PXDNL: variants seen among roughly 807,000 people sequenced by gnomAD.
PXDNL encodes the protein peroxidasin like, also known as probable oxidoreductase PXDNL.
In PXDNL, 145 loss-of-function variants were observed where a neutral mutation model predicts 150.8. The ratio of observed to expected loss-of-function variants is 0.96; its 90% CI spans 0.84 to 1.10. The LOEUF is 1.10. Ranked by LOEUF, PXDNL falls within the 50% of genes least tolerant of loss-of-function variation. PXDNL has a pLI of 0.00. For synonymous variants in PXDNL, 757 were observed against 725.7 expected (o/e 1.04, Z -0.69); for missense variants, 2,087 against 1,873.9 (o/e 1.11, Z -2.10).
intron 3 of PXDNL, among the ~76,000 whole-genome samples, chr8:51,561,046 A>T (rs976870202): frequency 3.3e-5 from 5 of 152,114 alleles, no homozygotes; most frequent in African/African-American, 1.2e-4. Flanking sequence ...TGAAATGCAA[A>T]TCAAAACCAC....
At chr8:51,770,436 G>C (rs2037280534) in intron 1 of PXDNL, among the ~76,000 whole-genome samples, 1 of 152,202 alleles carries the variant, frequency 6.6e-6, no homozygotes, top group African/African-American at 2.4e-5. Flanking sequence ...GCTCAGCATG[G>C]GGACGGAGGT....
At chr8:51,578,144 GA>G (rs1813130503) in intron 3 of PXDNL, among the ~76,000 whole-genome samples, 1 of 145,642 alleles carries the variant, frequency 6.9e-6, no homozygotes, top group East Asian at 2.0e-4. Context: ...GAGTGAGAGA[GA>G]GAGAAAGAAA....
At chr8:51,359,398 A>T (rs1182553125) in intron 19 of PXDNL, among the ~76,000 whole-genome samples, 1 of 152,238 alleles carries the variant, frequency 6.6e-6, no homozygotes, top group Non-Finnish European at 1.5e-5. Flanking sequence ...ATTTAAAAGG[A>T]GGTTGATCTC....
intron 1 of PXDNL, among the ~76,000 whole-genome samples, chr8:51,805,439 T>TATATATATAAAATG (rs2037665845): frequency 6.8e-6 from 1 of 148,054 alleles, no homozygotes; most frequent in East Asian, 1.9e-4. Flanking sequence ...TCATTTTATG[T>TATATATATAAAATG]ATATATACAA....
rs114301835 is a variant in PXDNL, at chr8:51,775,125, C to T, written c.164+34056G>A. ...CATATATTTATACAATTGTTATTCACTTAGGTAGGTTGCTTATTAATTACT... is the reference window on the plus strand; with the variant it reads ...CATATATTTATACAATTGTTATTCATTTAGGTAGGTTGCTTATTAATTACT... On this transcript the variant is annotated intron_variant, in intron 1 of 22. Transcript: ENST00000356297. Among the ~76,000 whole-genome samples, 634 of 152,142 alleles carry T rather than the reference C, an allele frequency of 4.2e-3. 5 individuals are homozygous for T. The highest frequency in any genetic ancestry group is 0.014 in the African/African-American group (598 of 41,524).
rs139563013 is a variant in PXDNL at position 51,604,050 on chromosome 8, C to T, written c.237-11352G>A. Among the ~76,000 whole-genome samples, 55 of 152,206 alleles carry T rather than the reference C, an allele frequency of 3.6e-4. 1 individual carries two copies. The highest frequency in any genetic ancestry group is 1.2e-3 in the African/African-American group (51 of 41,540). On this transcript the variant is annotated intron_variant, in intron 2 of 22. Transcript: ENST00000356297. The stretch of plus-strand genomic sequence containing the variant: ...ATTATAATTGCTTTAAGAAACCTTC[C>T]TCCAAAATTATAATAAAATTAGTTT...
chr8:51,750,460 T>C (rs1234255448), intron 1 of PXDNL, among the ~76,000 whole-genome samples: 2 of 152,180 alleles, frequency 1.3e-5, no homozygotes, highest in African/African-American at 4.8e-5. Flanking sequence ...GCGTAATGCA[T>C]TGCTCTATGG....
Position 51,745,018 on chromosome 8 carries a change from G to C in PXDNL, c.164+64163C>G, listed in dbSNP as rs1461381909. Among the ~76,000 whole-genome samples, 141 of 150,088 alleles carry C rather than the reference G, an allele frequency of 9.4e-4. 1 individual carries two copies. Among genetic ancestry groups the C allele is most frequent in the Middle Eastern group, 3.5e-3 (1 of 284 alleles). On this transcript the variant is annotated intron_variant, in intron 1 of 22. Transcript: ENST00000356297. ...GGAGGGAGGGAAGAAAAGGAAGGAA[G>C]AAAGAAAGAAATCAATTTTAAAATA...
Position 51,453,562 on chromosome 8 carries a change from A to G in PXDNL, c.1206T>C (p.Asn402=). 4 of 1,613,994 alleles carry G rather than the reference A, an allele frequency of 2.5e-6. No homozygotes were observed. The highest frequency in any genetic ancestry group is 3.4e-6 in the Non-Finnish European group (4 of 1,179,878). Residue 402 remains asparagine (N), a synonymous_variant, in exon 10 of 23, where the codon AAT becomes AAC. Coordinates refer to ENST00000356297, the MANE Select transcript of PXDNL (RefSeq NM_144651.5). ...CTGCAGCTTGAACAGTGCCGTGGCT[A>G]TTGTTGGCATGACAGGTAAATCGAC... ...DHGRFTCHAN[N]SHGTVQAAAN...
chr8:51,415,721 T>C (rs1808781680), intron 14 of PXDNL, among the ~76,000 whole-genome samples: 1 of 152,130 alleles, frequency 6.6e-6, no homozygotes, highest in South Asian at 2.1e-4. Context: ...ATGCTTAAGG[T>C]AAAAATTCGA....
At chr8:51,435,411 G>A (rs16916269) in intron 12 of PXDNL, among the ~76,000 whole-genome samples, 28,570 of 151,980 alleles carry the variant, frequency 0.19, 3,008 homozygotes, top group East Asian at 0.32. Context: ...ATATTTGGAA[G>A]AGAAAATAAT....
chr8:51,599,059 T>C (rs776213753), intron 2 of PXDNL, among the ~76,000 whole-genome samples: 1 of 152,170 alleles, frequency 6.6e-6, no homozygotes, highest in Non-Finnish European at 1.5e-5. Context: ...ATCTTTTGTA[T>C]ATCTGTAGGA....
intron 4 of PXDNL, among the ~76,000 whole-genome samples, chr8:51,531,435 A>G (rs1811904140): frequency 6.6e-6 from 1 of 152,202 alleles, no homozygotes; most frequent in African/African-American, 2.4e-5. Flanking sequence ...TCCGCCAGCC[A>G]TCAGCCCCTG....
chr8:51,358,001 T>C (rs1586030642), intron 19 of PXDNL, among the ~76,000 whole-genome samples: 1 of 152,158 alleles, frequency 6.6e-6, no homozygotes, highest in African/African-American at 2.4e-5. Context: ...ATGGAAGGTG[T>C]CTGTTTAGTG....
At chr8:51,536,856 G>A (rs925575794) in intron 4 of PXDNL, among the ~76,000 whole-genome samples, 1 of 152,172 alleles carries the variant, frequency 6.6e-6, no homozygotes, top group African/African-American at 2.4e-5. Context: ...CTGAGGTGCA[G>A]AAAAGTAAGT....
intron 8 of PXDNL, among the ~76,000 whole-genome samples, chr8:51,468,147 T>C (rs1392644719): frequency 6.6e-6 from 1 of 152,040 alleles, no homozygotes; most frequent in Non-Finnish European, 1.5e-5. Context: ...TAGCTTTGTA[T>C]GTAGTAGATA....
At chr8:51,553,741 TA>T (rs1279541611) in intron 4 of PXDNL, among the ~76,000 whole-genome samples, 12 of 64,074 alleles carry the variant, frequency 1.9e-4, no homozygotes, top group African/African-American at 1.3e-3. Flanking sequence ...TGAGGGATTT[TA>T]TATATATATA....
At chr8:51,711,337 C>G (rs1002447986) in intron 1 of PXDNL, among the ~76,000 whole-genome samples, 5 of 152,120 alleles carry the variant, frequency 3.3e-5, no homozygotes, top group Admixed American at 6.5e-5. Flanking sequence ...AGGGTTTTGC[C>G]ATGTTGGTCA....
chr8:51,768,128 C>G (rs1347744991), intron 1 of PXDNL, among the ~76,000 whole-genome samples: 1 of 152,204 alleles, frequency 6.6e-6, no homozygotes, highest in Non-Finnish European at 1.5e-5. Context: ...CATCACAAAG[C>G]AGTGAACAAA....
Sources: gnomAD v4.1 joint callset for allele counts (sites outside exome capture counted in the v4.1 genomes callset) on GRCh38, gnomAD v4.1.1 for gene constraint, MANE v1.5 for transcripts, NCBI Gene and HGNC (gene_info 2026-07-23, HGNC 2026-07-21) for gene names.